SYNE2: variants seen among roughly 807,000 people sequenced by gnomAD.
The protein encoded by SYNE2 is nesprin-2.
A neutral mutation model predicts 856.3 loss-of-function variants in SYNE2; 431 were observed. The ratio of observed to expected loss-of-function variants is 0.50; its 90% CI spans 0.47 to 0.55. The LOEUF (loss-of-function observed/expected upper bound fraction) is 0.55, where lower values mean the gene tolerates loss of function less well. SYNE2 is among the 20% of genes least tolerant of loss of function. The pLI, the probability that SYNE2 is intolerant of heterozygous loss-of-function variation, is 0.00. For missense variants in SYNE2, 8,129 were observed against 8,023.2 expected, an observed-to-expected ratio of 1.01 and a Z score of -0.50; for synonymous variants, 2,923 against 2,872.3, an observed-to-expected ratio of 1.02 and a Z score of -0.56.
chr14:63,907,583 CTT>C (rs148696642), intron 1 of SYNE2, among the ~76,000 whole-genome samples: 1 of 146,736 alleles, frequency 6.8e-6, no homozygotes. Flanking sequence ...TGCTATTATC[CTT>C]TTTTTTTTTA....
intron 52 of SYNE2, 28 bp downstream of exon 52, chr14:64,070,938 C>T (rs755747624): frequency 6.2e-7 from 1 of 1,612,778 alleles, no homozygotes; most frequent in South Asian, 1.1e-5. Context: ...CTATTAAGGA[C>T]GTGTGCTTGA....
At chr14:64,148,378 A>G (rs148528659) in intron 84 of SYNE2, among the ~76,000 whole-genome samples, 1,853 of 152,352 alleles carry the variant, frequency 0.012, 15 homozygotes, top group Middle Eastern at 0.027. Flanking sequence ...TGCTCTGCTC[A>G]TTAGAAAAAT....
intron 69 of SYNE2, 28 bp downstream of exon 69, chr14:64,122,161 A>T: frequency 6.2e-7 from 1 of 1,614,210 alleles, no homozygotes; most frequent in Non-Finnish European, 8.5e-7. Context: ...AGAGTTGGTC[A>T]TTCAGTGGTT....
chr14:63,890,833 T>C (rs1477569665), intron 1 of SYNE2, among the ~76,000 whole-genome samples: 3 of 152,240 alleles, frequency 2.0e-5, no homozygotes, highest in Non-Finnish European at 4.4e-5. Context: ...ATGCCTGTTA[T>C]GACAAGCTTT....
intron 2 of SYNE2, among the ~76,000 whole-genome samples, chr14:63,915,712 T>C (rs1566790782): frequency 6.6e-6 from 1 of 152,210 alleles, no homozygotes. Context: ...CTAGATGACA[T>C]ATTTTAAAAG....
At position 64,090,445 on chromosome 14, in the gene SYNE2, C is replaced by T. The variant is rs116166639; in HGVS notation, c.11794-421C>T. Among the ~76,000 whole-genome samples, 990 of 152,270 alleles carry T rather than the reference C, an allele frequency of 6.5e-3. 13 individuals are homozygous for T. Among genetic ancestry groups the T allele is most frequent in the African/African-American group, 0.023 (963 of 41,550 alleles). The stretch of plus-strand genomic sequence containing the variant: ...TATAATTATACTCCTGGGACTCATG[C>T]AGCACAGTTCTGTTCAAGTCAGTAA... On this transcript the variant is annotated intron_variant, in intron 59 of 115. Transcript: ENST00000555002.
intron 1 of SYNE2, among the ~76,000 whole-genome samples, chr14:63,819,623 G>A (rs957252013): frequency 6.6e-5 from 10 of 150,790 alleles, no homozygotes; most frequent in African/African-American, 2.0e-4. Flanking sequence ...TGCAAGCTCC[G>A]CCTCCTGGGT....
chr14:63,856,064 G>C (rs77963997), intron 1 of SYNE2, among the ~76,000 whole-genome samples: 3,640 of 152,256 alleles, frequency 0.024, 69 homozygotes, highest in Middle Eastern at 0.034. Context: ...CGAGAGATAG[G>C]ATGCTCAAAG....
In SYNE2 at chr14:64,022,870, GAT is replaced by G. The variant is rs2096946609; in HGVS notation, c.5637+12_5637+13del. The G allele has an allele frequency of 6.9e-7, 1 of 1,439,198 alleles. No homozygotes were observed. The highest frequency in any genetic ancestry group is 9.7e-7 in the Non-Finnish European group (1 of 1,026,670). 89.2% of individuals were successfully genotyped at this position (1,439,198 alleles called of 1,614,324 possible). A position where few individuals can be genotyped will look rare whatever the true frequency, so the allele number is the denominator to read the frequency against. ...AAAGCTACAAAAACTTTCTGTAAGA[GAT>G]ATATGTGTATTTTTAATAAAAATTT... is the stretch of plus-strand genomic sequence containing the variant. On this transcript the variant is annotated splice_region_variant and intron_variant, in intron 38 of 115. Transcript: ENST00000555002.
At chr14:63,977,505 C>G (rs1183942703) in intron 12 of SYNE2, among the ~76,000 whole-genome samples, 1 of 152,170 alleles carries the variant, frequency 6.6e-6, no homozygotes, top group Non-Finnish European at 1.5e-5. Flanking sequence ...AGCCACCACG[C>G]CCAGCCAAAA....
At chr14:64,100,668 T>C (rs951557340) in intron 63 of SYNE2, among the ~76,000 whole-genome samples, 11 of 146,910 alleles carry the variant, frequency 7.5e-5, no homozygotes, top group African/African-American at 2.7e-4. Context: ...TCACATACCA[T>C]TTTTTTTTGT....
chr14:64,052,285 A>T lies in SYNE2; in HGVS notation c.8372A>T (p.Asp2791Val). 3 of 1,614,212 alleles carry T rather than the reference A, an allele frequency of 1.9e-6. No homozygotes were observed. In the Middle Eastern group the frequency reaches 4.9e-4, roughly 266 times the overall value. Reference sequence around the variant, plus strand: ...GAATCGTTGGCTGAAGAGGTCAAAGATAAGGTTCCTAGCCTTACAACCTAT... The same window carrying T: ...GAATCGTTGGCTGAAGAGGTCAAAGTTAAGGTTCCTAGCCTTACAACCTAT... Reference protein sequence around the residue: ...SVESLAEEVKDKVPSLTTYEG... With the variant: ...SVESLAEEVKVKVPSLTTYEG... Residue 2791 changes from aspartate to valine, a missense_variant, in exon 48 of 116, where the codon GAT becomes GTT. This residue lies in a region of SYNE2 where 5,410 missense variants were observed against 5,284.8 expected (regional missense o/e 1.02). Coordinates refer to ENST00000555002, the MANE Select transcript of SYNE2 (RefSeq NM_182914.3).
chr14:63,965,479 G>A (rs1218545862), intron 10 of SYNE2, among the ~76,000 whole-genome samples: 1 of 152,238 alleles, frequency 6.6e-6, no homozygotes. Context: ...TCTGGGGTAA[G>A]TAGTTATTCC....
chr14:64,065,012 A>T (rs1210648434), intron 50 of SYNE2, among the ~76,000 whole-genome samples: 1 of 151,934 alleles, frequency 6.6e-6, no homozygotes, highest in Non-Finnish European at 1.5e-5. Flanking sequence ...CTACAGGCGC[A>T]TGCCACCACG....
chr14:64,137,731 A>G, intron 78 of SYNE2, 56 bp from the exon 79 acceptor site: 1 of 1,581,922 alleles, frequency 6.3e-7, no homozygotes, highest in Non-Finnish European at 8.6e-7. Context: ...ATTTGTGAAT[A>G]GCTTGGCAGA....
intron 60 of SYNE2, 147 bp from the exon 61 acceptor site, chr14:64,093,202 G>A: frequency 1.1e-6 from 1 of 907,046 alleles, no homozygotes; most frequent in African/African-American, 1.7e-5. Flanking sequence ...TCTTCTCTCT[G>A]TTTAGGCTAC....
chr14:63,872,980 A>G (rs1187763961), intron 1 of SYNE2, among the ~76,000 whole-genome samples: 2 of 151,744 alleles, frequency 1.3e-5, no homozygotes, highest in Non-Finnish European at 2.9e-5. Flanking sequence ...TTAGTTTTTT[A>G]TGTCTCCTTC....
intron 2 of SYNE2, among the ~76,000 whole-genome samples, chr14:63,926,043 C>T (rs1399357769): frequency 6.6e-6 from 1 of 151,954 alleles, no homozygotes; most frequent in Non-Finnish European, 1.5e-5. Flanking sequence ...CTGGTTTCAC[C>T]ATGTTGCCCA....
chr14:63,983,133 G>A (rs899959925), intron 17 of SYNE2, among the ~76,000 whole-genome samples: 2 of 152,154 alleles, frequency 1.3e-5, no homozygotes, highest in African/African-American at 4.8e-5. Flanking sequence ...AGGTTCATCT[G>A]TATTATAGAA....
Sources: allele counts gnomAD v4.1 joint callset (sites outside exome capture counted in the v4.1 genomes callset), GRCh38; gene constraint gnomAD v4.1.1; regional missense constraint gnomAD v4.1.1; transcripts MANE v1.5; gene names NCBI Gene and HGNC (gene_info 2026-07-23, HGNC 2026-07-21).